AKNAD1: variants seen among roughly 807,000 people sequenced by gnomAD.
AKNAD1 encodes protein AKNAD1.
Under a neutral mutation model 90.8 loss-of-function variants are expected in AKNAD1, and 67 were observed. The ratio of observed to expected loss-of-function variants is 0.74; its 90% CI spans 0.61 to 0.90. AKNAD1 has a LOEUF of 0.90. Ranked by LOEUF, AKNAD1 falls within the 40% of genes least tolerant of loss-of-function variation. The pLI, the probability that AKNAD1 is intolerant of heterozygous loss-of-function variation, is 0.00. For missense variants in AKNAD1, 957 were observed against 975.4 expected (o/e 0.98, Z 0.25); for synonymous variants, 327 against 341.4 (o/e 0.96, Z 0.46).
chr1:108,843,318 A>G, intron 5 of AKNAD1, 51 bp from the exon 6 acceptor site: 2 of 1,600,370 alleles, frequency 1.2e-6, no homozygotes, highest in East Asian at 2.2e-5. Flanking sequence ...TGTGTGTGTA[A>G]TTGTTTTCCC....
chr1:108,844,190 C>T (rs571964666), intron 5 of AKNAD1, among the ~76,000 whole-genome samples: 2 of 152,208 alleles, frequency 1.3e-5, no homozygotes, highest in South Asian at 2.1e-4. Context: ...TGGTGAAACC[C>T]CATCTCTATT....
rs540620131 is a variant in AKNAD1 at position 108,830,711 on chromosome 1, A to G, written c.1747-61T>C. The G allele has an allele frequency of 2.7e-5, 42 of 1,538,340 alleles. No individual in the cohort carries two copies. The South Asian group carries it at 4.6e-4, about 17-fold the overall frequency. On this transcript the variant is annotated intron_variant, in intron 9 of 15. Transcript: ENST00000370001. Reference sequence around the variant, plus strand: ...AGGATGTGACTCACGCCGCGGCTGCACACGCACAGCCCAGCAAGCAGCTGA... The same window carrying G: ...AGGATGTGACTCACGCCGCGGCTGCGCACGCACAGCCCAGCAAGCAGCTGA...
rs564624051 is a variant in AKNAD1, at chr1:108,835,762, T to C, written c.1537-706A>G. The stretch of plus-strand genomic sequence containing the variant: ...GCCTCAGCCTCCCAAGTAGCTGGGA[T>C]TACAGGCGCCCGCCACCACGCCCGG... On this transcript the variant is annotated intron_variant, in intron 7 of 15. Transcript: ENST00000370001. Among the ~76,000 whole-genome samples, 591 of 152,064 alleles carry C rather than the reference T, an allele frequency of 3.9e-3. 5 individuals carry two copies. The highest frequency in any genetic ancestry group is 0.014 in the African/African-American group (570 of 41,492).
At chr1:108,852,913 C>T (rs1250157944) in intron 1 of AKNAD1, 146 bp from the exon 2 acceptor site, 1 of 313,202 alleles carries the variant, frequency 3.2e-6, no homozygotes, top group Non-Finnish European at 5.7e-6. Flanking sequence ...GACCCAACCT[C>T]AATCCACACT....
In AKNAD1 at chr1:108,843,315, G is replaced by A. The variant is rs564543039; in HGVS notation, c.1246-48C>T. 5.7e-5 allele frequency: 91 copies of A among 1,601,158 alleles called. 1 individual carries two copies. The South Asian group carries it at 9.7e-4, about 17-fold the overall frequency. Reference sequence around the variant, plus strand: ...ATCATTCACATGCAAGCCTGTGTGTGTAATTGTTTTCCCAAAAACACAAAG... The same window carrying A: ...ATCATTCACATGCAAGCCTGTGTGTATAATTGTTTTCCCAAAAACACAAAG... On this transcript the variant is annotated intron_variant, in intron 5 of 15. Coordinates refer to ENST00000370001, the MANE Select transcript of AKNAD1 (RefSeq NM_152763.5).
intron 6 of AKNAD1, among the ~76,000 whole-genome samples, chr1:108,840,624 G>A (rs1267803477): frequency 6.6e-6 from 1 of 152,140 alleles, no homozygotes; most frequent in African/African-American, 2.4e-5. Flanking sequence ...AATAGTTTAT[G>A]TGGATAATGT....
At chr1:108,830,456 C>T in intron 10 of AKNAD1, 103 bp downstream of exon 10, 2 of 1,081,092 alleles carry the variant, frequency 1.8e-6, no homozygotes, top group South Asian at 1.4e-5. Flanking sequence ...GACTCTATAA[C>T]TCAGCCAGTG....
In AKNAD1 at chr1:108,849,038, G is replaced by C; in HGVS notation, c.1056C>G (p.Leu352=). The C allele has an allele frequency of 1.2e-6, 2 of 1,604,396 alleles. No individual in the cohort carries two copies. The highest frequency in any genetic ancestry group is 1.7e-6 in the Non-Finnish European group (2 of 1,177,576). Residue 352 remains leucine, a synonymous_variant, in exon 4 of 16, where the codon CTC becomes CTG. Transcript: ENST00000370001. ...LLTGIESEAS[L]SKLSPTSQKG... Reference sequence around the variant, plus strand: ...TCTGAGAGGTTGGTGACAACTTAGAGAGACTTGCCTCAGATTCTATTCCTA... The same window carrying C: ...TCTGAGAGGTTGGTGACAACTTAGACAGACTTGCCTCAGATTCTATTCCTA...
chr1:108,849,089 C>G lies in AKNAD1; in HGVS notation c.1034-29G>C. On this transcript the variant is annotated intron_variant, in intron 3 of 15. Coordinates refer to ENST00000370001, the MANE Select transcript of AKNAD1 (RefSeq NM_152763.5). ...TACAAGAAAGAACACATTTGGGCTA[C>G]CATTCATCTCAACTTATCACAGTTT... 3 of 1,538,678 alleles carry G rather than the reference C, an allele frequency of 1.9e-6. No individual in the cohort carries two copies. In the South Asian group the frequency reaches 3.9e-5, roughly 20 times the overall value.
chr1:108,834,537 A>G lies in AKNAD1; in HGVS notation c.1665-9T>C, dbSNP rs200066791. 0.12 allele frequency: 57,517 copies of G among 472,946 alleles called. 719 individuals are homozygous for G. Among genetic ancestry groups the G allele is most frequent in the East Asian group, 0.25 (4,586 of 18,190 alleles). 29.3% of individuals were successfully genotyped at this position (472,946 alleles called of 1,614,324 possible). On this transcript the variant is annotated splice_polypyrimidine_tract_variant and intron_variant, in intron 8 of 15. Transcript: ENST00000370001. ...AATGACCGTTTAGGTAACTAATTTAAAAAAAAAAAAAGCAGTTTGAATGTT... is the reference window on the plus strand; with the variant it reads ...AATGACCGTTTAGGTAACTAATTTAGAAAAAAAAAAAGCAGTTTGAATGTT...
chr1:108,832,222 T>G (rs112649280), intron 9 of AKNAD1, among the ~76,000 whole-genome samples: 53 of 147,494 alleles, frequency 3.6e-4, no homozygotes, highest in African/African-American at 1.2e-3. Flanking sequence ...TTTTTTTTTT[T>G]TTTTTTTTTT....
intron 5 of AKNAD1, 52 bp from the exon 6 acceptor site, chr1:108,843,319 T>C (rs756586860): frequency 3.0e-5 from 48 of 1,600,028 alleles, no homozygotes; most frequent in African/African-American, 5.4e-5. Flanking sequence ...GTGTGTGTAA[T>C]TGTTTTCCCA....
chr1:108,846,250 T>C (rs1664697666), intron 5 of AKNAD1, among the ~76,000 whole-genome samples: 1 of 152,168 alleles, frequency 6.6e-6, no homozygotes, highest in Non-Finnish European at 1.5e-5. Flanking sequence ...GACCACAGGC[T>C]GATAATGTCA....
chr1:108,835,424 C>T (rs1453426944), intron 7 of AKNAD1, among the ~76,000 whole-genome samples: 1 of 152,048 alleles, frequency 6.6e-6, no homozygotes, highest in Non-Finnish European at 1.5e-5. Flanking sequence ...CATAACAGCC[C>T]TGTGAGGCAA....
At position 108,837,671 on chromosome 1, in the gene AKNAD1, A is replaced by C; in HGVS notation, c.1415T>G (p.Leu472Arg). ...VEGEIFKLEM[L>R]LEDVKEKMDE... is the part of the protein sequence containing the mutation. ...CATTTTCTCTTTAACATCTTCAAGC[A>C]GCATCTCCAATTTGAAGATTTCACC... Residue 472 changes from leucine (L) to arginine (R), a missense_variant, in exon 7 of 16, where the codon CTG becomes CGG. Coordinates refer to ENST00000370001, the MANE Select transcript of AKNAD1 (RefSeq NM_152763.5). 1 of 1,614,220 alleles carries C rather than the reference A, an allele frequency of 6.2e-7. No homozygotes were observed. Among genetic ancestry groups the C allele is most frequent in the Non-Finnish European group, 8.5e-7 (1 of 1,180,020 alleles).
At chr1:108,849,470 C>A in intron 3 of AKNAD1, 67 bp downstream of exon 3, 1 of 1,021,206 alleles carries the variant, frequency 9.8e-7, no homozygotes, top group Non-Finnish European at 1.5e-6. Flanking sequence ...CAGAGTGAGA[C>A]CCTGTCTCAA....
At chr1:108,834,369 C>A in intron 9 of AKNAD1, 78 bp downstream of exon 9, 1 of 1,229,228 alleles carries the variant, frequency 8.1e-7, no homozygotes, top group South Asian at 1.3e-5. Context: ...ATTTCACAGT[C>A]ACATTCAGCA....
At position 108,816,408 on chromosome 1, in the gene AKNAD1, T is replaced by C. The variant is rs1048031350; in HGVS notation, c.2380-106A>G. 12 of 1,223,292 alleles carry C rather than the reference T, an allele frequency of 9.8e-6. No homozygotes were observed. The East Asian group carries it at 2.8e-4, about 29-fold the overall frequency. 75.8% of individuals were successfully genotyped at this position (1,223,292 alleles called of 1,614,324 possible). ...TTACAAGGTGGAATTTGGGGAGTAT[T>C]CCTGTTTTCCTCTTGGTCTATTTCT... is the stretch of plus-strand genomic sequence containing the variant. On this transcript the variant is annotated intron_variant, in intron 15 of 15. Transcript: ENST00000370001.
rs544090925 is a variant in AKNAD1, at chr1:108,830,631, G to A, written c.1766C>T (p.Pro589Leu). ...SNSGEDPNGT[P>L]RRQDCAEMTA... ...CATCTCTGCACAATCCTGCCTTCTTGGAGTGCCGTTGGGATCCTCCTGCGC... is the reference window on the plus strand; with the variant it reads ...CATCTCTGCACAATCCTGCCTTCTTAGAGTGCCGTTGGGATCCTCCTGCGC... Residue 589 changes from proline to leucine, a missense_variant, in exon 10 of 16, where the codon CCA (proline) becomes CTA (leucine). Physicochemically the swap from Pro to Leu is moderately conservative, Grantham distance 98. Transcript: ENST00000370001. 6.4e-5 allele frequency: 104 copies of A among 1,614,124 alleles called. 1 individual carries two copies. In the Middle Eastern group the frequency reaches 9.6e-3, roughly 149 times the overall value.
Sources: allele counts gnomAD v4.1 joint callset (sites outside exome capture counted in the v4.1 genomes callset), GRCh38; gene constraint gnomAD v4.1.1; transcripts MANE v1.5; gene names NCBI Gene and HGNC (gene_info 2026-07-23, HGNC 2026-07-21).